NEMP2: variants seen among roughly 807,000 people sequenced by gnomAD.
The protein encoded by NEMP2 is UPF0571 transmembrane protein.
Under a neutral mutation model 54.2 loss-of-function variants are expected in NEMP2, and 53 were observed. The ratio of observed to expected loss-of-function variants is 0.98; its 90% CI spans 0.78 to 1.23. The LOEUF (loss-of-function observed/expected upper bound fraction) is 1.23, where lower values mean the gene tolerates loss of function less well. NEMP2 is among the 50% of genes most tolerant of loss of function. NEMP2 has a pLI of 0.00. For missense variants in NEMP2, 455 were observed against 511.3 expected (o/e 0.89, Z 1.06); for synonymous variants, 197 against 190.3 (o/e 1.04, Z -0.29).
the NEMP2 span, among the ~76,000 whole-genome samples, chr2:190,449,862 T>G: frequency 3.3e-5 from 5 of 150,610 alleles, no homozygotes; most frequent in African/African-American, 2.5e-5. Context: ...TGGGGACTGT[T>G]GTGGGGTGGG....
the NEMP2 span, among the ~76,000 whole-genome samples, chr2:190,619,939 C>T: frequency 1.3e-5 from 2 of 152,128 alleles, no homozygotes; most frequent in Non-Finnish European, 2.9e-5. This position sits in a 1 kb window ranked among gnomAD's most constrained non-coding sequence, Gnocchi z 5.5. Context: ...ACTGTTTTTA[C>T]CTCGGTGGCC....
At chr2:190,499,648 G>A (rs572599565), downstream of NEMP2, among the ~76,000 whole-genome samples, 109 of 152,306 alleles carry the variant, frequency 7.2e-4, no homozygotes, top group African/African-American at 2.4e-3. The surrounding 1 kb of genome is among the most constrained non-coding windows in gnomAD (Gnocchi z 6.0). Flanking sequence ...CTTAGCAAGC[G>A]GCCTGAGTTT....
At chr2:190,489,635 T>G in the NEMP2 span, 1 of 766,076 alleles carries the variant, frequency 1.3e-6, no homozygotes, top group Non-Finnish European at 2.1e-6. This position sits in a 1 kb window ranked among gnomAD's most constrained non-coding sequence, Gnocchi z 6.6. Flanking sequence ...GTGGAGCTAA[T>G]ACCCAACTAC....
chr2:190,604,596 C>T, the NEMP2 span, among the ~76,000 whole-genome samples: 81,189 of 151,840 alleles, frequency 0.53, 22,206 homozygotes, highest in East Asian at 0.7. This position sits in a 1 kb window ranked among gnomAD's most constrained non-coding sequence, Gnocchi z 4.5. Flanking sequence ...ATGTGAGATT[C>T]GGAGAGGGTA....
At chr2:190,597,341 G>GA in the NEMP2 span, among the ~76,000 whole-genome samples, 12 of 149,296 alleles carry the variant, frequency 8.0e-5, no homozygotes, top group East Asian at 2.0e-4. The surrounding 1 kb of genome is among the most constrained non-coding windows in gnomAD (Gnocchi z 4.7). Context: ...ATAAAGGGGA[G>GA]AAAAAAAAAG....
downstream of NEMP2, chr2:190,500,282 GC>G: frequency 1.3e-6 from 2 of 1,569,818 alleles, no homozygotes; most frequent in Non-Finnish European, 8.7e-7. The surrounding 1 kb of genome is among the most constrained non-coding windows in gnomAD (Gnocchi z 5.3). Flanking sequence ...ACAGGGTGAG[GC>G]CCCCCAGCCA....
At chr2:190,456,990 C>G in the NEMP2 span, among the ~76,000 whole-genome samples, 1 of 152,146 alleles carries the variant, frequency 6.6e-6, no homozygotes, top group Non-Finnish European at 1.5e-5. The surrounding 1 kb of genome is among the most constrained non-coding windows in gnomAD (Gnocchi z 5.4). Context: ...CTTCTGATGC[C>G]AACATAAACG....
chr2:190,477,046 G>C, the NEMP2 span: 4 of 119,440 alleles, frequency 3.3e-5, no homozygotes, highest in African/African-American at 1.3e-4. Context: ...ACACACTGGG[G>C]ACTCTTGTGG....
At chr2:190,643,036 T>G in the NEMP2 span, among the ~76,000 whole-genome samples, 2 of 150,234 alleles carry the variant, frequency 1.3e-5, no homozygotes, top group Non-Finnish European at 3.0e-5. Context: ...TTTTTTTTTT[T>G]TTTTTTTTTG....
At chr2:190,582,869 C>T in the NEMP2 span, among the ~76,000 whole-genome samples, 1 of 152,152 alleles carries the variant, frequency 6.6e-6, no homozygotes, top group South Asian at 2.1e-4. This position sits in a 1 kb window ranked among gnomAD's most constrained non-coding sequence, Gnocchi z 4.6. Context: ...ACTTTTTCCT[C>T]AATTGGCCTC....
chr2:190,574,819 C>T, the NEMP2 span, among the ~76,000 whole-genome samples: 4 of 112,642 alleles, frequency 3.6e-5, no homozygotes, highest in African/African-American at 1.4e-4. Context: ...TCCCTCCCTT[C>T]CCCCCTTTCT....
chr2:190,597,647 C>T, the NEMP2 span, among the ~76,000 whole-genome samples: 16 of 152,042 alleles, frequency 1.1e-4, no homozygotes, highest in Admixed American at 9.2e-4. The surrounding 1 kb of genome is among the most constrained non-coding windows in gnomAD (Gnocchi z 4.7). Context: ...ATGGAGGTGC[C>T]CAACACAGTA....
chr2:190,460,769 G>A, the NEMP2 span, among the ~76,000 whole-genome samples: 1 of 152,196 alleles, frequency 6.6e-6, no homozygotes, highest in African/African-American at 2.4e-5. Context: ...AGACAGGTGG[G>A]GATGGTGGCC....
At chr2:190,440,760 C>T in the NEMP2 span, among the ~76,000 whole-genome samples, 250 of 152,114 alleles carry the variant, frequency 1.6e-3, no homozygotes, top group African/African-American at 4.6e-3. Context: ...AAATATTATC[C>T]GGGGGGGTTA....
the NEMP2 span, chr2:190,442,608 C>G: frequency 6.6e-6 from 1 of 152,052 alleles, no homozygotes; most frequent in Admixed American, 6.6e-5. Flanking sequence ...AGGAATAGAT[C>G]TGGGAGGTAA....
chr2:190,524,990 G>A (rs1203478386), intron 2 of NEMP2, among the ~76,000 whole-genome samples: 1 of 152,220 alleles, frequency 6.6e-6, no homozygotes, highest in Non-Finnish European at 1.5e-5. Flanking sequence ...TCTTAAGACT[G>A]CCTGAACAGC....
downstream of NEMP2, chr2:190,500,600 ATTAT>A (rs1689980397): frequency 5.6e-6 from 1 of 179,898 alleles, no homozygotes; most frequent in Non-Finnish European, 1.2e-5. This position sits in a 1 kb window ranked among gnomAD's most constrained non-coding sequence, Gnocchi z 5.3. Flanking sequence ...CCCTCTTCTG[ATTAT>A]TTATTCTTAT....
At chr2:190,445,811 A>G in the NEMP2 span, among the ~76,000 whole-genome samples, 2 of 151,996 alleles carry the variant, frequency 1.3e-5, no homozygotes, top group Admixed American at 6.6e-5. Flanking sequence ...ACGTGGTAAT[A>G]TGGAAAGAAT....
the NEMP2 span, among the ~76,000 whole-genome samples, chr2:190,589,238 C>T: frequency 2.6e-5 from 4 of 152,128 alleles, no homozygotes; most frequent in Non-Finnish European, 5.9e-5. The surrounding 1 kb of genome is among the most constrained non-coding windows in gnomAD (Gnocchi z 4.3). Flanking sequence ...AGACTCATCA[C>T]CTCCCTGATG....
Sources: allele counts gnomAD v4.1 joint callset (sites outside exome capture counted in the v4.1 genomes callset), GRCh38; gene constraint gnomAD v4.1.1; non-coding constraint Gnocchi (gnomAD v3.1); transcripts MANE v1.5; gene names NCBI Gene and HGNC (gene_info 2026-07-23, HGNC 2026-07-21).